The following GRM7 variants were observed in gnomAD, a reference collection of about 807,000 sequenced individuals.
GRM7 encodes the protein glutamate metabotropic receptor 7, also known as metabotropic glutamate receptor 7.
A neutral mutation model predicts 84.5 loss-of-function variants in GRM7; 35 were observed. The ratio of observed to expected loss-of-function variants is 0.41; its 90% CI spans 0.32 to 0.55. The LOEUF (loss-of-function observed/expected upper bound fraction) is 0.55. GRM7 is among the 20% of genes least tolerant of loss of function. GRM7 has a pLI of 0.19. For synonymous variants in GRM7, 487 were observed against 455.1 expected (o/e 1.07, Z -0.89); for missense variants, 1,003 against 1,194.6 (o/e 0.84, Z 2.36).
At chr3:7,684,397 A>G (rs938892659) in intron 9 of GRM7, among the ~76,000 whole-genome samples, 3 of 152,220 alleles carry the variant, frequency 2.0e-5, no homozygotes, top group Non-Finnish European at 4.4e-5. Flanking sequence ...TACAAAGTAA[A>G]TAGTGGAACA....
At chr3:7,494,558 T>A (rs1416793982) in intron 7 of GRM7, among the ~76,000 whole-genome samples, 1 of 152,198 alleles carries the variant, frequency 6.6e-6, no homozygotes, top group Non-Finnish European at 1.5e-5. Flanking sequence ...TTCACTCTCT[T>A]TCTCTTCTCC....
chr3:7,296,859 G>T (rs7618358), intron 2 of GRM7, among the ~76,000 whole-genome samples: 3,746 of 149,432 alleles, frequency 0.025, 131 homozygotes, highest in African/African-American at 0.087. Flanking sequence ...ATGTTGCCCC[G>T]ACTGGTCTCC....
chr3:7,417,549 A>G (rs1425325173), intron 5 of GRM7, among the ~76,000 whole-genome samples: 2 of 152,166 alleles, frequency 1.3e-5, no homozygotes, highest in African/African-American at 2.4e-5. Context: ...TTAAAACACT[A>G]GAACAGGCAT....
intron 1 of GRM7, among the ~76,000 whole-genome samples, chr3:6,937,917 A>G (rs1159546299): frequency 6.6e-6 from 1 of 152,184 alleles, no homozygotes; most frequent in Admixed American, 6.5e-5. Context: ...TCTATGATTT[A>G]TTTAGTTAAT....
chr3:7,713,820 TTTTTA>T (rs1701680548), intron 9 of GRM7, among the ~76,000 whole-genome samples: 3 of 144,142 alleles, frequency 2.1e-5, no homozygotes, highest in African/African-American at 8.1e-5. Context: ...TTTTTTTTTT[TTTTTA>T]AAGCAATGGG....
intron 1 of GRM7, among the ~76,000 whole-genome samples, chr3:7,084,332 T>C (rs1002773517): frequency 4.6e-5 from 7 of 151,990 alleles, no homozygotes; most frequent in African/African-American, 1.7e-4. Context: ...TCAGAGACTG[T>C]AGAGGTAGGT....
At chr3:7,445,869 C>T (rs1173847807) in intron 5 of GRM7, among the ~76,000 whole-genome samples, 1 of 152,122 alleles carries the variant, frequency 6.6e-6, no homozygotes, top group African/African-American at 2.4e-5. Flanking sequence ...ATAAGGCTTG[C>T]TGGGTTACTG....
intron 2 of GRM7, among the ~76,000 whole-genome samples, chr3:7,234,762 T>G (rs1016494518): frequency 6.6e-6 from 1 of 152,206 alleles, no homozygotes; most frequent in Non-Finnish European, 1.5e-5. Context: ...TATGGAGAGA[T>G]AATTTGTTAA....
intron 9 of GRM7, among the ~76,000 whole-genome samples, chr3:7,705,608 A>G (rs575234058): frequency 7.2e-5 from 11 of 152,342 alleles, no homozygotes; most frequent in Middle Eastern, 3.4e-3. Flanking sequence ...GTAGGCATTA[A>G]TAAACACAAA....
intron 8 of GRM7, among the ~76,000 whole-genome samples, chr3:7,583,952 A>G (rs114575229): frequency 3.4e-3 from 521 of 152,326 alleles, no homozygotes; most frequent in Non-Finnish European, 5.6e-3. Flanking sequence ...AGGTCTTCAA[A>G]CAAACATTGA....
intron 3 of GRM7, among the ~76,000 whole-genome samples, chr3:7,304,180 T>G (rs1012477933): frequency 6.6e-6 from 1 of 152,034 alleles, no homozygotes; most frequent in Non-Finnish European, 1.5e-5. Flanking sequence ...GAGGGAAAAA[T>G]CTAATAGAGC....
At chr3:7,720,891 C>T (rs887206487) in intron 9 of GRM7, among the ~76,000 whole-genome samples, 4 of 152,138 alleles carry the variant, frequency 2.6e-5, no homozygotes, top group Non-Finnish European at 5.9e-5. Context: ...TCAGAAAAGG[C>T]GGGGATATCT....
chr3:7,352,853 T>C (rs1693222003), intron 4 of GRM7, among the ~76,000 whole-genome samples: 1 of 152,050 alleles, frequency 6.6e-6, no homozygotes, highest in African/African-American at 2.4e-5. Context: ...TTTATCAGGG[T>C]CCTCCAACAT....
chr3:7,253,012 T>TAAAAA (rs539835390), intron 2 of GRM7, among the ~76,000 whole-genome samples: 6 of 70,808 alleles, frequency 8.5e-5, no homozygotes, highest in Admixed American at 2.4e-4. Flanking sequence ...TGGCTTTTCT[T>TAAAAA]AAAAAAAAAA....
At chr3:7,458,131 T>C (rs910205340) in intron 6 of GRM7, among the ~76,000 whole-genome samples, 2 of 152,204 alleles carry the variant, frequency 1.3e-5, no homozygotes, top group Admixed American at 6.5e-5. Flanking sequence ...CTGGGCTATC[T>C]GAATCTCTAT....
intron 2 of GRM7, among the ~76,000 whole-genome samples, chr3:7,180,222 T>G (rs1001854847): frequency 6.6e-6 from 1 of 152,212 alleles, no homozygotes; most frequent in East Asian, 1.9e-4. Context: ...ACCACTTGCT[T>G]TTCGAACTGT....
rs936830415 is a variant in GRM7, at chr3:7,099,850, A to G, written c.520-46602A>G. On this transcript the variant is annotated intron_variant, in intron 1 of 9. Transcript: ENST00000357716. ...ATACATGTATATGTACACGCATTAT[A>G]CATGTGCACATATATGTATATGTAC... Among the ~76,000 whole-genome samples the G allele has an allele frequency of 3.5e-5, 5 of 141,444 alleles. 1 individual carries two copies. The highest frequency in any genetic ancestry group is 7.6e-5 in the Non-Finnish European group (5 of 65,894). The allele number at this position is 141,444 out of a possible 152,430, so 92.8% of individuals were successfully genotyped here. A position where few individuals can be genotyped will look rare whatever the true frequency, so the allele number is the denominator to read the frequency against.
intron 8 of GRM7, among the ~76,000 whole-genome samples, chr3:7,643,333 A>AAC (rs1187629184): frequency 7.3e-5 from 11 of 151,124 alleles, no homozygotes; most frequent in South Asian, 2.1e-4. Flanking sequence ...AAAACAAACA[A>AAC]AAAAAACAAA....
chr3:6,956,391 G>T (rs945611530), intron 1 of GRM7, among the ~76,000 whole-genome samples: 1 of 152,156 alleles, frequency 6.6e-6, no homozygotes, highest in East Asian at 1.9e-4. Flanking sequence ...TCACATTAGA[G>T]GATTAATCAT....
Sources: gnomAD v4.1 joint callset for allele counts (sites outside exome capture counted in the v4.1 genomes callset) on GRCh38, gnomAD v4.1.1 for gene constraint, MANE v1.5 for transcripts, NCBI Gene and HGNC (gene_info 2026-07-23, HGNC 2026-07-21) for gene names.